DLG2: variants seen among roughly 807,000 people sequenced by gnomAD.
DLG2 encodes discs large MAGUK scaffold protein 2, also known as disks large homolog 2.
In DLG2, 45 loss-of-function variants were observed where a neutral mutation model predicts 132.5. The ratio of observed to expected loss-of-function variants is 0.34; its 90% CI spans 0.27 to 0.44. DLG2 has a LOEUF of 0.44. DLG2 is among the 20% of genes least tolerant of loss of function. The pLI, the probability that DLG2 is intolerant of heterozygous loss-of-function variation, is 1.00. For synonymous variants in DLG2, 424 were observed against 419.6 expected (o/e 1.01, Z -0.13); for missense variants, 1,045 against 1,196.9 (o/e 0.87, Z 1.87).
At position 84,559,506 on chromosome 11, in the gene DLG2, AT is replaced by A. The variant is rs371195926; in HGVS notation, c.358-24776del. 3.1e-4 allele frequency among the ~76,000 whole-genome samples: 47 copies of A among 152,238 alleles called. 2 individuals carry two copies. The East Asian group carries it at 8.3e-3, about 27-fold the overall frequency. ...CCATAATTCAGTTGACACATAAAAT[AT>A]TTTTTTCAGCAAACATATTATTGAT... On this transcript the variant is annotated intron_variant, in intron 6 of 27. Transcript: ENST00000376104.
chr11:83,779,286 T>G (rs2094711158), intron 18 of DLG2, among the ~76,000 whole-genome samples: 1 of 152,096 alleles, frequency 6.6e-6, no homozygotes, highest in Non-Finnish European at 1.5e-5. Context: ...TGTAATATAT[T>G]TGAACTACTT....
rs541510896 is a variant in DLG2 at position 84,488,343 on chromosome 11, T to A, written c.519+46227A>T. ...AGGTGGTAGGAGAATAAAGTTCGGG[T>A]AAGGATGGTAAGATGACCTCCAGAT... On this transcript the variant is annotated intron_variant, in intron 7 of 27. Coordinates refer to ENST00000376104, the MANE Select transcript of DLG2 (RefSeq NM_001142699.3). 3.3e-5 allele frequency among the ~76,000 whole-genome samples: 5 copies of A among 152,078 alleles called. No individual in the cohort carries two copies. In the South Asian group the frequency reaches 1.0e-3, roughly 32 times the overall value.
chr11:84,660,093 G>T (rs915678821), intron 6 of DLG2, among the ~76,000 whole-genome samples: 2 of 152,128 alleles, frequency 1.3e-5, no homozygotes, highest in East Asian at 1.9e-4. Flanking sequence ...CTGTTCATAA[G>T]GCTGAAATTT....
intron 6 of DLG2, among the ~76,000 whole-genome samples, chr11:84,718,265 C>G (rs1347192138): frequency 6.6e-6 from 1 of 151,968 alleles, no homozygotes; most frequent in South Asian, 2.1e-4. Context: ...TTTCACATAA[C>G]ATTAATTTAT....
chr11:85,429,802 A>G (rs989165880), intron 3 of DLG2, among the ~76,000 whole-genome samples: 1 of 152,324 alleles, frequency 6.6e-6, no homozygotes, highest in South Asian at 2.1e-4. Flanking sequence ...CAGTGTGGCG[A>G]TTCCTCAGGG....
chr11:85,100,913 T>C (rs1594183020), intron 6 of DLG2, among the ~76,000 whole-genome samples: 1 of 152,334 alleles, frequency 6.6e-6, no homozygotes, highest in East Asian at 1.9e-4. Flanking sequence ...TTTTGTATTT[T>C]GAATGATTTT....
intron 6 of DLG2, among the ~76,000 whole-genome samples, chr11:84,632,416 T>C (rs1594362934): frequency 6.6e-6 from 1 of 152,320 alleles, no homozygotes; most frequent in African/African-American, 2.4e-5. Flanking sequence ...TTGACTCTTT[T>C]AGTTTTAAGG....
intron 6 of DLG2, among the ~76,000 whole-genome samples, chr11:85,110,276 G>T (rs1438241760): frequency 1.3e-5 from 2 of 151,976 alleles, no homozygotes; most frequent in African/African-American, 4.8e-5. Context: ...AATTAGCTGG[G>T]CTTAGTGGCA....
chr11:84,464,027 T>C (rs1567702750), intron 7 of DLG2, among the ~76,000 whole-genome samples: 1 of 151,254 alleles, frequency 6.6e-6, no homozygotes, highest in Non-Finnish European at 1.5e-5. Context: ...AAAATTTCAA[T>C]CTAATTTTAC....
intron 19 of DLG2, among the ~76,000 whole-genome samples, chr11:83,561,359 G>C (rs934206236): frequency 1.3e-5 from 2 of 152,108 alleles, no homozygotes; most frequent in African/African-American, 4.8e-5. Flanking sequence ...GACTCAGAGG[G>C]GTTAGTGGTG....
At chr11:85,200,803 C>T (rs1348279837) in intron 4 of DLG2, among the ~76,000 whole-genome samples, 1 of 152,176 alleles carries the variant, frequency 6.6e-6, no homozygotes, top group Non-Finnish European at 1.5e-5. Flanking sequence ...CTCTCAGCTC[C>T]AGCCCCAGTC....
chr11:84,370,758 C>T (rs755575727), intron 7 of DLG2, among the ~76,000 whole-genome samples: 2 of 152,058 alleles, frequency 1.3e-5, no homozygotes, highest in Admixed American at 6.6e-5. Context: ...TCGTTATAGG[C>T]GTTCAAGAAA....
intron 8 of DLG2, among the ~76,000 whole-genome samples, chr11:84,201,662 T>G (rs756528728): frequency 6.6e-6 from 1 of 151,864 alleles, no homozygotes; most frequent in Non-Finnish European, 1.5e-5. Flanking sequence ...GGATACAATT[T>G]CTTCCTGGTT....
At chr11:85,526,661 G>A (rs1009728732) in intron 3 of DLG2, among the ~76,000 whole-genome samples, 6 of 152,172 alleles carry the variant, frequency 3.9e-5, no homozygotes, top group Admixed American at 2.0e-4. Flanking sequence ...TGTGCTAAGG[G>A]AAACTCTGAT....
intron 6 of DLG2, among the ~76,000 whole-genome samples, chr11:84,608,966 A>G (rs942269947): frequency 6.6e-6 from 1 of 152,216 alleles, no homozygotes; most frequent in Non-Finnish European, 1.5e-5. Context: ...GCACAGGGCC[A>G]TAGATTTAGT....
chr11:85,320,462 A>T (rs2080983505), intron 3 of DLG2, among the ~76,000 whole-genome samples: 1 of 151,946 alleles, frequency 6.6e-6, no homozygotes, highest in Non-Finnish European at 1.5e-5. Context: ...TGACAGGCAC[A>T]GGAATTACAG....
intron 6 of DLG2, among the ~76,000 whole-genome samples, chr11:84,609,163 A>AGCAAACTGCTTG (rs1241526647): frequency 6.6e-6 from 1 of 152,168 alleles, no homozygotes; most frequent in Non-Finnish European, 1.5e-5. Flanking sequence ...CTGACTCAAG[A>AGCAAACTGCTTG]GCAAACTGCT....
intron 4 of DLG2, among the ~76,000 whole-genome samples, chr11:85,155,858 CAAAA>C (rs199571938): frequency 1.9e-5 from 2 of 105,418 alleles, no homozygotes; most frequent in Non-Finnish European, 4.1e-5. Context: ...GACTCTGTAT[CAAAA>C]AAAAAAAAAA....
At chr11:85,174,754 T>C (rs1323271320) in intron 4 of DLG2, among the ~76,000 whole-genome samples, 3 of 151,930 alleles carry the variant, frequency 2.0e-5, no homozygotes, top group Non-Finnish European at 2.9e-5. Flanking sequence ...GGCAGTAAAA[T>C]AGACACACTC....
Sources: gnomAD v4.1 joint callset for allele counts (sites outside exome capture counted in the v4.1 genomes callset) on GRCh38, gnomAD v4.1.1 for gene constraint, MANE v1.5 for transcripts, NCBI Gene and HGNC (gene_info 2026-07-23, HGNC 2026-07-21) for gene names.